The following GRID2 variants were observed in gnomAD, a reference collection of about 807,000 sequenced individuals.
The protein encoded by GRID2 is glutamate receptor ionotropic, delta-2.
Under a neutral mutation model 114.8 loss-of-function variants are expected in GRID2, and 33 were observed. The ratio of observed to expected loss-of-function variants is 0.29; its 90% CI spans 0.22 to 0.38. GRID2 has a LOEUF of 0.38. GRID2 is among the 10% of genes least tolerant of loss of function. GRID2 has a pLI of 1.00. For synonymous variants in GRID2, 505 were observed against 449.9 expected (o/e 1.12, Z -1.55); for missense variants, 1,184 against 1,257.7 (o/e 0.94, Z 0.89).
chr4:93,810,331 AT>A (rs1427689284), downstream of GRID2, among the ~76,000 whole-genome samples: 1 of 152,104 alleles, frequency 6.6e-6, no homozygotes, highest in South Asian at 2.1e-4. Flanking sequence ...GAGATTTTTA[AT>A]TTTTTTCATG....
intron 2 of GRID2, among the ~76,000 whole-genome samples, chr4:92,649,282 AT>A (rs1231671635): frequency 1.3e-5 from 2 of 149,594 alleles, no homozygotes; most frequent in African/African-American, 5.0e-5. Context: ...AAGAAAGCTC[AT>A]GGTGAAATTC....
At chr4:92,594,590 A>T (rs1198514289) in intron 2 of GRID2, among the ~76,000 whole-genome samples, 1 of 151,900 alleles carries the variant, frequency 6.6e-6, no homozygotes, top group Non-Finnish European at 1.5e-5. Flanking sequence ...AAACAGATAT[A>T]GGGTATCCAT....
At chr4:92,305,936 G>A (rs1413671371) in intron 1 of GRID2, among the ~76,000 whole-genome samples, 2 of 152,188 alleles carry the variant, frequency 1.3e-5, no homozygotes, top group African/African-American at 4.8e-5. Context: ...TTATCTGTAC[G>A]CATGGCTTGG....
At chr4:93,170,956 G>C (rs1738756149) in intron 4 of GRID2, among the ~76,000 whole-genome samples, 1 of 151,412 alleles carries the variant, frequency 6.6e-6, no homozygotes, top group African/African-American at 2.4e-5. Flanking sequence ...CAGCACTACT[G>C]TCTAGGCCAA....
At chr4:92,673,539 T>A (rs1733177961) in intron 2 of GRID2, among the ~76,000 whole-genome samples, 1 of 152,244 alleles carries the variant, frequency 6.6e-6, no homozygotes, top group Non-Finnish European at 1.5e-5. Context: ...AAAATATTTC[T>A]TGTACTGCAT....
intron 1 of GRID2, among the ~76,000 whole-genome samples, chr4:92,406,551 AT>A (rs1428294357): frequency 3.9e-5 from 6 of 152,038 alleles, no homozygotes; most frequent in African/African-American, 1.2e-4. Context: ...TTTTAAAAAA[AT>A]GTCAACTTTT....
chr4:92,941,215 G>C (rs1033437440), intron 2 of GRID2, among the ~76,000 whole-genome samples: 1 of 152,100 alleles, frequency 6.6e-6, no homozygotes, highest in Non-Finnish European at 1.5e-5. Flanking sequence ...TTTTTGGTTG[G>C]TAAGCTATTA....
At chr4:92,493,317 A>G (rs902457478) in intron 1 of GRID2, among the ~76,000 whole-genome samples, 3 of 152,132 alleles carry the variant, frequency 2.0e-5, no homozygotes, top group African/African-American at 7.2e-5. Context: ...GATGTCTTTC[A>G]AAAATATTCT....
intron 8 of GRID2, among the ~76,000 whole-genome samples, chr4:93,394,998 G>A (rs1258368397): frequency 6.6e-6 from 1 of 151,992 alleles, no homozygotes; most frequent in Non-Finnish European, 1.5e-5. Flanking sequence ...TGAGTAAAGA[G>A]CAGTGAGTCA....
chr4:93,747,803 G>A (rs1189593497), intron 14 of GRID2, among the ~76,000 whole-genome samples: 2 of 151,136 alleles, frequency 1.3e-5, no homozygotes, highest in East Asian at 3.9e-4. Context: ...CCCCCCCAGT[G>A]GACAGAAATT....
chr4:93,169,822 G>A (rs1318425360), intron 4 of GRID2, among the ~76,000 whole-genome samples: 4 of 152,168 alleles, frequency 2.6e-5, no homozygotes, highest in Non-Finnish European at 4.4e-5. Context: ...TCACCTAAAT[G>A]TAATTGCAGG....
intron 1 of GRID2, among the ~76,000 whole-genome samples, chr4:92,425,639 C>T (rs1465537417): frequency 6.6e-6 from 1 of 152,040 alleles, no homozygotes; most frequent in Non-Finnish European, 1.5e-5. Context: ...CTTATTCTGT[C>T]TAGGCAACTG....
intron 4 of GRID2, among the ~76,000 whole-genome samples, chr4:93,200,505 G>T (rs1308245432): frequency 5.3e-5 from 8 of 152,040 alleles, no homozygotes; most frequent in Middle Eastern, 3.2e-3. Flanking sequence ...GGTGGAGCTT[G>T]CAGTGAGCCG....
chr4:93,303,536 T>C (rs1216741623), intron 8 of GRID2, among the ~76,000 whole-genome samples: 1 of 152,176 alleles, frequency 6.6e-6, no homozygotes, highest in Non-Finnish European at 1.5e-5. Context: ...ACTACTAGCA[T>C]TGAGTAATAT....
At chr4:93,173,055 C>A (rs997676402) in intron 4 of GRID2, among the ~76,000 whole-genome samples, 3 of 151,870 alleles carry the variant, frequency 2.0e-5, no homozygotes, top group Non-Finnish European at 2.9e-5. Context: ...CTTTTTATTT[C>A]ATTGGCTATA....
chr4:92,640,801 A>C (rs776422250), intron 2 of GRID2, among the ~76,000 whole-genome samples: 1 of 151,910 alleles, frequency 6.6e-6, no homozygotes, highest in Non-Finnish European at 1.5e-5. Flanking sequence ...GCAAGCACTT[A>C]AACTTGTAAT....
chr4:93,404,243 G>C (rs915933244), intron 9 of GRID2, among the ~76,000 whole-genome samples: 2 of 152,066 alleles, frequency 1.3e-5, no homozygotes, highest in Non-Finnish European at 2.9e-5. Flanking sequence ...TTTGGAGATT[G>C]GCAGATGACA....
chr4:93,704,653 G>A (rs1560925848), intron 14 of GRID2, among the ~76,000 whole-genome samples: 2 of 152,074 alleles, frequency 1.3e-5, no homozygotes, highest in African/African-American at 2.4e-5. Context: ...TGCTCTTTAT[G>A]AGTTCAATCG....
At chr4:92,920,152 A>G (rs1315299356) in intron 2 of GRID2, among the ~76,000 whole-genome samples, 2 of 152,264 alleles carry the variant, frequency 1.3e-5, no homozygotes, top group East Asian at 1.9e-4. Context: ...CTGTTTTATC[A>G]GAGACTAGGA....
Sources: gnomAD v4.1 joint callset for allele counts (sites outside exome capture counted in the v4.1 genomes callset) on GRCh38, gnomAD v4.1.1 for gene constraint, MANE v1.5 for transcripts, NCBI Gene and HGNC (gene_info 2026-07-23, HGNC 2026-07-21) for gene names.